Variants in LAMA2 observed in about 807,000 individuals in gnomAD.
The protein encoded by LAMA2 is laminin subunit alpha 2.
Under a neutral mutation model 364.8 loss-of-function variants are expected in LAMA2, and 269 were observed. The ratio of observed to expected loss-of-function variants is 0.74; its 90% CI spans 0.67 to 0.82. The LOEUF (loss-of-function observed/expected upper bound fraction) is 0.82, where lower values mean the gene tolerates loss of function less well. LAMA2 is among the 40% of genes least tolerant of loss of function. The pLI is 0.00. For synonymous variants in LAMA2, 1,379 were observed against 1,370.6 expected (o/e 1.01, Z -0.14); for missense variants, 3,807 against 3,873.2 (o/e 0.98, Z 0.45).
At chr6:129,033,130 T>C (rs1051186622) in intron 1 of LAMA2, among the ~76,000 whole-genome samples, 2 of 151,608 alleles carry the variant, frequency 1.3e-5, no homozygotes, top group Admixed American at 6.6e-5. Context: ...TGTAAATGGG[T>C]TGGAAGTGGG....
At chr6:129,373,535 G>C (rs1778206086) in intron 34 of LAMA2, among the ~76,000 whole-genome samples, 1 of 152,026 alleles carries the variant, frequency 6.6e-6, no homozygotes, top group Non-Finnish European at 1.5e-5. Flanking sequence ...ACCCAAGACT[G>C]TATTCATATT....
At chr6:129,432,882 C>T (rs967966764) in intron 41 of LAMA2, among the ~76,000 whole-genome samples, 1 of 152,154 alleles carries the variant, frequency 6.6e-6, no homozygotes, top group Non-Finnish European at 1.5e-5. Flanking sequence ...TCCCTCCTTT[C>T]CTGAAGCTCC....
At chr6:129,219,876 G>A (rs1022152846) in intron 12 of LAMA2, among the ~76,000 whole-genome samples, 3 of 148,780 alleles carry the variant, frequency 2.0e-5, no homozygotes, top group East Asian at 1.9e-4. Context: ...GCTAAATGAC[G>A]AGTTAATGGG....
intron 30 of LAMA2, among the ~76,000 whole-genome samples, chr6:129,344,264 G>A (rs958467693): frequency 4.6e-5 from 7 of 152,184 alleles, no homozygotes; most frequent in African/African-American, 1.7e-4. Context: ...ATTAGAACCA[G>A]AAGTAGGTAA....
At chr6:129,306,450 T>C (rs1324762060) in intron 22 of LAMA2, among the ~76,000 whole-genome samples, 4 of 151,068 alleles carry the variant, frequency 2.6e-5, no homozygotes, top group Non-Finnish European at 5.9e-5. Flanking sequence ...TGTTTAATAA[T>C]TATTTTTTCA....
intron 22 of LAMA2, among the ~76,000 whole-genome samples, chr6:129,302,262 T>C (rs902793226): frequency 3.9e-5 from 6 of 152,188 alleles, no homozygotes; most frequent in African/African-American, 1.4e-4. Flanking sequence ...ATTTATTTAA[T>C]GCCCAGTAAT....
At chr6:129,106,565 A>G (rs2114890453) in intron 4 of LAMA2, among the ~76,000 whole-genome samples, 1 of 152,162 alleles carries the variant, frequency 6.6e-6, no homozygotes, top group Admixed American at 6.5e-5. Flanking sequence ...TCTAAAAATA[A>G]TTCTTTTTAG....
At chr6:129,230,359 G>A (rs929272942) in intron 12 of LAMA2, among the ~76,000 whole-genome samples, 4 of 152,048 alleles carry the variant, frequency 2.6e-5, no homozygotes, top group African/African-American at 9.7e-5. Context: ...GTGGAATGAA[G>A]GGCAACATGG....
At chr6:129,159,531 T>C (rs1221749731) in intron 8 of LAMA2, among the ~76,000 whole-genome samples, 1 of 152,232 alleles carries the variant, frequency 6.6e-6, no homozygotes, top group African/African-American at 2.4e-5. Context: ...AATTTCTTTA[T>C]TAATTCTAGT....
rs3062342 is a variant in LAMA2, at chr6:129,314,398, C to CAAAAAAAAAAAAA, written c.3412-248_3412-236dup. 2.6e-4 allele frequency among the ~76,000 whole-genome samples: 21 copies of CAAAAAAAAAAAAA among 81,852 alleles called. 2 individuals are homozygous for CAAAAAAAAAAAAA. Among genetic ancestry groups the CAAAAAAAAAAAAA allele is most frequent in the African/African-American group, 9.3e-4 (17 of 18,182 alleles). 53.7% of individuals were successfully genotyped at this position (81,852 alleles called of 152,430 possible). A position where few individuals can be genotyped will look rare whatever the true frequency, so the allele number is the denominator to read the frequency against. Reference sequence around the variant, plus strand: ...TGGGCGAAAGAGCGAGACTCCGTCTCAAAAAAAAAAAAAAAAAAAAAGTAC... The same window carrying CAAAAAAAAAAAAA: ...TGGGCGAAAGAGCGAGACTCCGTCTCAAAAAAAAAAAAAAAAAAAAAAAAAAAAAAAAAAGTAC... On this transcript the variant is annotated intron_variant, in intron 23 of 64. Transcript: ENST00000421865.
intron 30 of LAMA2, among the ~76,000 whole-genome samples, chr6:129,347,659 G>A (rs1426808220): frequency 6.6e-6 from 1 of 152,070 alleles, no homozygotes; most frequent in Non-Finnish European, 1.5e-5. Context: ...TGTAAAAGAT[G>A]GTCACCATGA....
chr6:129,383,780 T>C (rs1256123719), intron 35 of LAMA2, among the ~76,000 whole-genome samples: 1 of 152,122 alleles, frequency 6.6e-6, no homozygotes, highest in Non-Finnish European at 1.5e-5. Flanking sequence ...GTGGAAGCCA[T>C]TTTTTGGCAA....
At chr6:129,199,979 T>C (rs973560557) in intron 12 of LAMA2, among the ~76,000 whole-genome samples, 1 of 151,668 alleles carries the variant, frequency 6.6e-6, no homozygotes, top group Admixed American at 6.6e-5. Context: ...CTCGGGAGGC[T>C]GATGCAAGAG....
chr6:129,208,467 AAG>A (rs148379975), intron 12 of LAMA2, among the ~76,000 whole-genome samples: 1 of 151,660 alleles, frequency 6.6e-6, no homozygotes, highest in Non-Finnish European at 1.5e-5. Flanking sequence ...AACAGACAGA[AAG>A]AGAGAGAGGA....
At chr6:129,036,779 T>G (rs2114744851) in intron 1 of LAMA2, among the ~76,000 whole-genome samples, 1 of 152,338 alleles carries the variant, frequency 6.6e-6, no homozygotes. Flanking sequence ...GAATACTTAC[T>G]CTCTTTGGTT....
intron 1 of LAMA2, among the ~76,000 whole-genome samples, chr6:128,928,702 G>T (rs1779251423): frequency 6.6e-6 from 1 of 152,166 alleles, no homozygotes; most frequent in Admixed American, 6.5e-5. Context: ...CTGAATCAGT[G>T]AATAGTAATG....
chr6:129,372,191 T>G (rs1188225086), intron 34 of LAMA2, among the ~76,000 whole-genome samples: 2 of 152,184 alleles, frequency 1.3e-5, no homozygotes, highest in Non-Finnish European at 1.5e-5. Flanking sequence ...GGTTCCCTCT[T>G]GGTATTGTAC....
chr6:129,099,820 C>A (rs1476018952), intron 4 of LAMA2, among the ~76,000 whole-genome samples: 1 of 152,184 alleles, frequency 6.6e-6, no homozygotes, highest in Non-Finnish European at 1.5e-5. Context: ...ATGGTACTCT[C>A]AGCAGAAATC....
chr6:128,972,434 A>G (rs1354879964), intron 1 of LAMA2, among the ~76,000 whole-genome samples: 1 of 152,340 alleles, frequency 6.6e-6, no homozygotes, highest in South Asian at 2.1e-4. Flanking sequence ...CTTGTTGTGA[A>G]CATTCAATGT....
Sources: allele counts gnomAD v4.1 joint callset (sites outside exome capture counted in the v4.1 genomes callset), GRCh38; gene constraint gnomAD v4.1.1; transcripts MANE v1.5; gene names NCBI Gene and HGNC (gene_info 2026-07-23, HGNC 2026-07-21).